Variants in MYO16 observed in about 807,000 individuals in gnomAD.
The protein encoded by MYO16 is unconventional myosin-XVI.
In MYO16, 94 loss-of-function variants were observed where a neutral mutation model predicts 205.3. The ratio of observed to expected loss-of-function variants is 0.46; its 90% CI spans 0.39 to 0.54. The LOEUF is 0.54. Ranked by LOEUF, MYO16 falls within the 20% of genes least tolerant of loss-of-function variation. The pLI is 0.00. For synonymous variants in MYO16, 988 were observed against 954.0 expected, an observed-to-expected ratio of 1.04 and a Z score of -0.66; for missense variants, 2,315 against 2,387.5, an observed-to-expected ratio of 0.97 and a Z score of 0.63.
chr13:108,716,336 T>A (rs559661451), intron 3 of MYO16, among the ~76,000 whole-genome samples: 112 of 152,276 alleles, frequency 7.4e-4, no homozygotes, highest in African/African-American at 2.6e-3. Context: ...ACTGATGAAG[T>A]AGATGGAAGC....
chr13:108,930,193 G>C (rs980890748), intron 16 of MYO16, among the ~76,000 whole-genome samples: 1 of 152,160 alleles, frequency 6.6e-6, no homozygotes, highest in African/African-American at 2.4e-5. Context: ...AACTTTATCT[G>C]TGAAGTTTAT....
At chr13:108,933,462 T>C (rs1180843608) in intron 16 of MYO16, among the ~76,000 whole-genome samples, 1 of 152,086 alleles carries the variant, frequency 6.6e-6, no homozygotes. Flanking sequence ...TTTTAAGATA[T>C]ATTAGATATC....
At chr13:109,088,051 T>C (rs1249951036) in intron 27 of MYO16, among the ~76,000 whole-genome samples, 1 of 152,210 alleles carries the variant, frequency 6.6e-6, no homozygotes, top group Non-Finnish European at 1.5e-5. Flanking sequence ...CTGGGCTCAG[T>C]GTCCTCCTGA....
chr13:108,706,911 T>TA (rs1883530726), intron 2 of MYO16, among the ~76,000 whole-genome samples: 1 of 152,210 alleles, frequency 6.6e-6, no homozygotes, highest in Non-Finnish European at 1.5e-5. Context: ...GGGTCTCGGC[T>TA]AGTGCTTGAT....
intron 4 of MYO16, among the ~76,000 whole-genome samples, chr13:108,778,121 G>T (rs565914867): frequency 6.6e-6 from 1 of 152,288 alleles, no homozygotes; most frequent in East Asian, 1.9e-4. Context: ...GACGATACTG[G>T]GATTTCACTC....
intron 1 of MYO16, among the ~76,000 whole-genome samples, chr13:108,623,893 T>C (rs1926517): frequency 0.015 from 2,215 of 152,116 alleles, 55 homozygotes; most frequent in South Asian, 0.074. Flanking sequence ...GACTGGTACA[T>C]GAAAAAAATG....
At position 108,964,740 on chromosome 13, in the gene MYO16, C is replaced by T. The variant is rs779994922; in HGVS notation, c.2228-21C>T. 14 of 1,612,764 alleles carry T rather than the reference C, an allele frequency of 8.7e-6. No individual in the cohort carries two copies. The Admixed American group carries it at 2.2e-4, about 25-fold the overall frequency. On this transcript the variant is annotated intron_variant, in intron 19 of 34. Coordinates refer to ENST00000457511, the MANE Select transcript of MYO16 (RefSeq NM_001198950.3). ...GAGGGAACCCTTGTGCTCACTCCTCCTTTTCTTTCTACCATTTTAGGGGAT... is the reference window on the plus strand; with the variant it reads ...GAGGGAACCCTTGTGCTCACTCCTCTTTTTCTTTCTACCATTTTAGGGGAT...
At chr13:108,633,048 C>T (rs143760592) in intron 1 of MYO16, among the ~76,000 whole-genome samples, 98 of 152,182 alleles carry the variant, frequency 6.4e-4, no homozygotes, top group African/African-American at 1.8e-3. Context: ...TCTAAGCATA[C>T]GGGTTTGGGG....
chr13:109,143,340 G>A (rs1252135370), intron 32 of MYO16, among the ~76,000 whole-genome samples: 1 of 152,070 alleles, frequency 6.6e-6, no homozygotes, highest in Admixed American at 6.5e-5. Context: ...AGACAAATAA[G>A]CTAATTGTTT....
intron 24 of MYO16, among the ~76,000 whole-genome samples, chr13:109,050,697 A>G (rs1887219668): frequency 6.6e-6 from 1 of 151,996 alleles, no homozygotes; most frequent in Non-Finnish European, 1.5e-5. Context: ...AATAATTCCC[A>G]CTGCTTTATT....
chr13:108,781,444 C>T (rs560726410), intron 4 of MYO16, among the ~76,000 whole-genome samples: 20 of 152,202 alleles, frequency 1.3e-4, no homozygotes, highest in Non-Finnish European at 2.9e-4. Context: ...CTCTCAGCAG[C>T]AGCTCTCTTA....
chr13:109,156,900 T>C (rs1326797662), intron 32 of MYO16, among the ~76,000 whole-genome samples: 4 of 152,246 alleles, frequency 2.6e-5, no homozygotes, highest in African/African-American at 9.6e-5. Context: ...GAGAGATTTT[T>C]AAGTCTCTCC....
chr13:109,011,230 C>T (rs932228249), intron 22 of MYO16, among the ~76,000 whole-genome samples: 1 of 151,944 alleles, frequency 6.6e-6, no homozygotes, highest in Non-Finnish European at 1.5e-5. Flanking sequence ...TAGTGGCATT[C>T]TCCTCTGCAT....
intron 33 of MYO16, among the ~76,000 whole-genome samples, chr13:109,175,624 G>A (rs907243630): frequency 6.6e-6 from 1 of 152,154 alleles, no homozygotes; most frequent in Non-Finnish European, 1.5e-5. Context: ...GCCCTGGAAA[G>A]AATGTGTTCA....
chr13:108,703,226 G>A (rs1385369196), intron 2 of MYO16, among the ~76,000 whole-genome samples: 1 of 152,032 alleles, frequency 6.6e-6, no homozygotes, highest in African/African-American at 2.4e-5. Context: ...TCAAACGTGG[G>A]AAATCATATA....
At chr13:109,027,333 A>G (rs277819) in intron 23 of MYO16, among the ~76,000 whole-genome samples, 2,854 of 152,114 alleles carry the variant, frequency 0.019, 102 homozygotes, top group African/African-American at 0.066. Context: ...CAAAGACCCT[A>G]TTGCCAAATA....
intron 2 of MYO16, among the ~76,000 whole-genome samples, chr13:108,668,846 G>A (rs150784773): frequency 5.3e-4 from 81 of 152,184 alleles, no homozygotes; most frequent in South Asian, 8.3e-4. Flanking sequence ...TTGCATAGCC[G>A]CAGATGTAAC....
At chr13:108,935,029 A>G (rs763144047) in intron 16 of MYO16, among the ~76,000 whole-genome samples, 2 of 152,032 alleles carry the variant, frequency 1.3e-5, no homozygotes, top group Non-Finnish European at 2.9e-5. Context: ...CTCTAGCCTT[A>G]GAGTATAGTA....
In MYO16 at chr13:108,799,553, C is replaced by A. The variant is rs1886907050; in HGVS notation, c.741+5913C>A. ...ATGTCAGGACTTTTATTGATGATGA[C>A]ATCACGGCTTTGCTTTTTGTGCTCA... is the stretch of plus-strand genomic sequence containing the variant. On this transcript the variant is annotated intron_variant, in intron 6 of 34. Coordinates refer to ENST00000457511, the MANE Select transcript of MYO16 (RefSeq NM_001198950.3). Among the ~76,000 whole-genome samples, 4 of 152,164 alleles carry A rather than the reference C, an allele frequency of 2.6e-5. No individual in the cohort carries two copies. In the South Asian group the frequency reaches 8.3e-4, roughly 32 times the overall value.
Sources: gnomAD v4.1 joint callset for allele counts (sites outside exome capture counted in the v4.1 genomes callset) on GRCh38, gnomAD v4.1.1 for gene constraint, MANE v1.5 for transcripts, NCBI Gene and HGNC (gene_info 2026-07-23, HGNC 2026-07-21) for gene names.